The following LRRC59 variants were observed in gnomAD, a reference collection of about 807,000 sequenced individuals.
LRRC59 encodes leucine rich repeat containing 59.
A neutral mutation model predicts 33.5 loss-of-function variants in LRRC59; 18 were observed. The observed-to-expected ratio is 0.54, with a 90% CI of 0.37 to 0.80. The LOEUF is 0.80. Among genes scored for constraint, LRRC59 ranks in the 30% least tolerant of loss-of-function variants. LRRC59 has a pLI of 0.00. For missense variants in LRRC59, 330 were observed against 391.9 expected (o/e 0.84, Z 1.33); for synonymous variants, 138 against 160.0 (o/e 0.86, Z 1.04).
At position 50,382,765 on chromosome 17, in the gene LRRC59, G is replaced by GCCCCCCCCCCCCC; in HGVS notation, c.*222_*223insGGGGGGGGGGGGG. ...TACTCCTTTAGGCATGCAGGTAACTGCCCCCCACGCCCCCCCGCCACCTCC... is the reference window on the plus strand; with the variant it reads ...TACTCCTTTAGGCATGCAGGTAACTGCCCCCCCCCCCCCCCCCCCACGCCCCCCCGCCACCTCC... On this transcript the variant is annotated 3_prime_UTR_variant, in exon 7 of 7. Coordinates refer to ENST00000225972, the MANE Select transcript of LRRC59 (RefSeq NM_018509.4). 7.5e-6 allele frequency: 4 copies of GCCCCCCCCCCCCC among 536,430 alleles called. No homozygotes were observed. Among genetic ancestry groups the GCCCCCCCCCCCCC allele is most frequent in the South Asian group, 5.0e-5 (2 of 40,366 alleles). 33.2% of individuals were successfully genotyped at this position (536,430 alleles called of 1,614,324 possible). A position where few individuals can be genotyped will look rare whatever the true frequency, so the allele number is the denominator to read the frequency against.
At chr17:50,388,021 A>G in intron 5 of LRRC59, 39 bp downstream of exon 5, 1 of 1,599,506 alleles carries the variant, frequency 6.3e-7, no homozygotes, top group Non-Finnish European at 8.6e-7. Context: ...GGCTGGGATG[A>G]GGACCTGAAA....
chr17:50,396,761 G>A (rs1380031303), intron 1 of LRRC59: 1 of 197,248 alleles, frequency 5.1e-6, no homozygotes, highest in African/African-American at 2.3e-5. Context: ...CTCAGGGCTC[G>A]GGCAGCCAGC....
At chr17:50,388,376 A>G (rs1235449347) in intron 4 of LRRC59, among the ~76,000 whole-genome samples, 4 of 152,222 alleles carry the variant, frequency 2.6e-5, no homozygotes, top group Non-Finnish European at 5.9e-5. Context: ...CTGTCTCTAC[A>G]GAAAAATGTA....
chr17:50,393,482 G>A (rs1914198787), intron 2 of LRRC59, among the ~76,000 whole-genome samples: 2 of 152,308 alleles, frequency 1.3e-5, no homozygotes, highest in Admixed American at 1.3e-4. Flanking sequence ...TACTCAGTCT[G>A]ATTCTTGTTA....
At chr17:50,396,895 T>G in intron 1 of LRRC59, 1 of 391,696 alleles carries the variant, frequency 2.6e-6, no homozygotes. Flanking sequence ...CTCCGTGTGC[T>G]CCTACTCAGA....
At position 50,397,288 on chromosome 17, in the gene LRRC59, G is replaced by T. The variant is rs751574523; in HGVS notation, c.30C>A (p.Asn10Lys). 1.9e-6 allele frequency: 3 copies of T among 1,609,508 alleles called. No homozygotes were observed. In the East Asian group the frequency reaches 6.8e-5, roughly 36 times the overall value. ...CGTTGCCGTCCAGCTTGTCGCGGAG[G>T]TTCCCGCCCTTGCTACCGGCCTTGG... MTKAGSKGG[N>K]LRDKLDGNEL... The change falls in exon 1 of 7, where the codon AAC (asparagine) becomes AAA (lysine). Residue 10 changes from asparagine to lysine, a missense_variant. Coordinates refer to ENST00000225972, the MANE Select transcript of LRRC59 (RefSeq NM_018509.4).
chr17:50,386,051 C>G (rs895451243), intron 5 of LRRC59: 1 of 151,996 alleles, frequency 6.6e-6, no homozygotes, highest in African/African-American at 2.4e-5. Context: ...TGAGACCATG[C>G]CTCAAAGAAA....
At chr17:50,396,937 C>T (rs1408234449) in intron 1 of LRRC59, 1 of 401,940 alleles carries the variant, frequency 2.5e-6, no homozygotes, top group Non-Finnish European at 4.4e-6. Flanking sequence ...TGTGAAAGCC[C>T]CGCAAAGGTG....
At chr17:50,386,393 A>G (rs1914004789) in intron 5 of LRRC59, 1 of 152,232 alleles carries the variant, frequency 6.6e-6, no homozygotes, top group African/African-American at 2.4e-5. Context: ...CTAAAAATGC[A>G]TTTCCAAATT....
intron 6 of LRRC59, among the ~76,000 whole-genome samples, chr17:50,384,544 T>C (rs1044679045): frequency 1.3e-4 from 20 of 152,046 alleles, no homozygotes; most frequent in African/African-American, 4.6e-4. Context: ...GGCAGGCGGA[T>C]TACCTGAGGT....
intron 1 of LRRC59, chr17:50,396,084 A>T (rs1446274663): frequency 6.6e-6 from 1 of 152,264 alleles, no homozygotes; most frequent in Non-Finnish European, 1.5e-5. Context: ...CCTGGGGTAG[A>T]AAAGGAGGCA....
intron 2 of LRRC59, among the ~76,000 whole-genome samples, chr17:50,393,892 T>A (rs1914209846): frequency 6.6e-6 from 1 of 152,232 alleles, no homozygotes; most frequent in African/African-American, 2.4e-5. Flanking sequence ...GATCTTGCTA[T>A]GTTGTCCAGG....
chr17:50,385,192 T>A lies in LRRC59; in HGVS notation c.602A>T (p.Lys201Met). The A allele has an allele frequency of 3.1e-6, 5 of 1,614,200 alleles. No homozygotes were observed. The highest frequency in any genetic ancestry group is 4.2e-6 in the Non-Finnish European group (5 of 1,180,034). Reference protein sequence around the residue: ...EKAEEKERRRKEYDALKAAKR... With the variant: ...EKAEEKERRRMEYDALKAAKR... ...GGCTGCTTTGAGGGCATCATACTCC[T>A]TTCTCCGGCGCTCCTTCTCTTCCGC... The change falls in exon 6 of 7, where the codon AAG becomes ATG. Residue 201 changes from lysine to methionine, a missense_variant. Lys to Met is a moderately conservative substitution (Grantham distance 95, BLOSUM62 -1). Transcript: ENST00000225972.
chr17:50,385,756 A>G (rs1249780913), intron 5 of LRRC59, among the ~76,000 whole-genome samples: 1 of 152,212 alleles, frequency 6.6e-6, no homozygotes, highest in Admixed American at 6.5e-5. Context: ...TGAGCACTCA[A>G]GTTTAGGGTT....
chr17:50,388,337 A>G (rs1267792770), intron 4 of LRRC59, among the ~76,000 whole-genome samples: 1 of 152,190 alleles, frequency 6.6e-6, no homozygotes, highest in African/African-American at 2.4e-5. Context: ...CCAGGAGTTC[A>G]AGACAAGCCT....
rs1895800529 is a variant in LRRC59, at chr17:50,392,512, T to C, written c.325-10A>G. On this transcript the variant is annotated splice_polypyrimidine_tract_variant and intron_variant, in intron 3 of 6. Transcript: ENST00000225972. ...CCAACCACTTCAGGTTCTAAAGAGA[T>C]GGGCGATGGGCAAAGAGGCTCATTA... is the stretch of plus-strand genomic sequence containing the variant. The C allele has an allele frequency of 6.2e-7, 1 of 1,604,172 alleles. No individual in the cohort carries two copies. The highest frequency in any genetic ancestry group is 1.1e-5 in the South Asian group (1 of 90,852).
rs544364331 is a variant in LRRC59 at position 50,387,854 on chromosome 17, T to A, written c.502+206A>T. The stretch of plus-strand genomic sequence containing the variant: ...CAAGCAGAGATGAAATATAAGCAGT[T>A]GACTGCCTCTAGAGCACAGCAGAGA... On this transcript the variant is annotated intron_variant, in intron 5 of 6. Coordinates refer to ENST00000225972, the MANE Select transcript of LRRC59 (RefSeq NM_018509.4). Among the ~76,000 whole-genome samples, 15 of 152,260 alleles carry A rather than the reference T, an allele frequency of 9.9e-5. 1 individual carries two copies. In the South Asian group the frequency reaches 2.5e-3, roughly 25 times the overall value.
intron 5 of LRRC59, among the ~76,000 whole-genome samples, chr17:50,387,800 A>G (rs1262905925): frequency 2.0e-5 from 3 of 152,218 alleles, no homozygotes; most frequent in East Asian, 1.9e-4. Flanking sequence ...TGTTTTAGCC[A>G]CATTTCATAT....
rs1286024616 is a variant in LRRC59, at chr17:50,381,607, A to C, written c.*1381T>G. ...GAGTTGCAGTCCCATCCAAAAGGTC[A>C]TTAGGGCTAAAAGGCCCTCTGTGTC... On this transcript the variant is annotated 3_prime_UTR_variant, in exon 7 of 7. Transcript: ENST00000225972. The C allele has an allele frequency of 1.3e-5, 2 of 152,678 alleles. No homozygotes were observed. Among genetic ancestry groups the C allele is most frequent in the East Asian group, 3.9e-4 (2 of 5,194 alleles). The allele number at this position is 152,678 out of a possible 1,614,324, so 9.5% of individuals were successfully genotyped here.
Sources: gnomAD v4.1 joint callset for allele counts (sites outside exome capture counted in the v4.1 genomes callset) on GRCh38, gnomAD v4.1.1 for gene constraint, MANE v1.5 for transcripts, NCBI Gene and HGNC (gene_info 2026-07-23, HGNC 2026-07-21) for gene names.